Variants in CADPS2 observed in about 807,000 individuals in gnomAD.
CADPS2 encodes the protein calcium-dependent secretion activator 2.
Under a neutral mutation model 172.5 loss-of-function variants are expected in CADPS2, and 93 were observed. That is an observed-to-expected ratio of 0.54 (90% CI 0.46 to 0.64). The LOEUF (loss-of-function observed/expected upper bound fraction) is 0.64, where lower values mean the gene tolerates loss of function less well. Ranked by LOEUF, CADPS2 falls within the 30% of genes least tolerant of loss-of-function variation. CADPS2 has a pLI of 0.00. For missense variants in CADPS2, 1,420 were observed against 1,565.9 expected (o/e 0.91, Z 1.57); for synonymous variants, 546 against 555.2 (o/e 0.98, Z 0.23).
intron 14 of CADPS2, among the ~76,000 whole-genome samples, chr7:122,459,849 C>T (rs1275909600): frequency 1.3e-5 from 2 of 152,014 alleles, no homozygotes; most frequent in Non-Finnish European, 2.9e-5. Flanking sequence ...GGTTTCTGCC[C>T]CAATAGAGTT....
chr7:122,442,480 T>C (rs1376644534), intron 15 of CADPS2, among the ~76,000 whole-genome samples: 3 of 152,136 alleles, frequency 2.0e-5, no homozygotes, highest in African/African-American at 4.8e-5. Flanking sequence ...TGCAAACTAA[T>C]AACTTGGAAA....
At chr7:122,337,400 A>C (rs1397180549) in intron 28 of CADPS2, among the ~76,000 whole-genome samples, 1 of 152,212 alleles carries the variant, frequency 6.6e-6, no homozygotes, top group African/African-American at 2.4e-5. Flanking sequence ...TCAAGAATCT[A>C]AGCAAGAAGC....
intron 1 of CADPS2, among the ~76,000 whole-genome samples, chr7:122,832,627 C>G (rs1457126735): frequency 2.0e-5 from 3 of 152,176 alleles, no homozygotes; most frequent in Non-Finnish European, 4.4e-5. Context: ...GTAATGTTGT[C>G]TGGCTTTACC....
At chr7:122,488,300 C>T (rs2058017799) in intron 11 of CADPS2, among the ~76,000 whole-genome samples, 1 of 152,094 alleles carries the variant, frequency 6.6e-6, no homozygotes, top group Admixed American at 6.6e-5. Context: ...ACTTTGATGC[C>T]CAATGCAGGC....
intron 27 of CADPS2, among the ~76,000 whole-genome samples, chr7:122,360,304 A>G (rs1025934308): frequency 7.2e-5 from 11 of 152,208 alleles, no homozygotes; most frequent in African/African-American, 2.7e-4. Context: ...GAACAAATTT[A>G]TGAGTTATTT....
At chr7:122,772,685 T>A (rs941575655) in intron 1 of CADPS2, among the ~76,000 whole-genome samples, 1 of 152,170 alleles carries the variant, frequency 6.6e-6, no homozygotes, top group Admixed American at 6.5e-5. Flanking sequence ...AACAAATCTT[T>A]ACTGAGATTT....
At chr7:122,854,780 T>C (rs1246417731) in intron 1 of CADPS2, among the ~76,000 whole-genome samples, 1 of 152,200 alleles carries the variant, frequency 6.6e-6, no homozygotes, top group Non-Finnish European at 1.5e-5. Flanking sequence ...ATAAAGGAAA[T>C]GCTGAATCAA....
At chr7:122,572,809 T>G (rs965760398) in intron 7 of CADPS2, among the ~76,000 whole-genome samples, 2 of 152,120 alleles carry the variant, frequency 1.3e-5, no homozygotes, top group African/African-American at 4.8e-5. Context: ...TAGGACATAA[T>G]CATAATTGTT....
At chr7:122,822,964 C>T (rs1563106374) in intron 1 of CADPS2, among the ~76,000 whole-genome samples, 1 of 152,162 alleles carries the variant, frequency 6.6e-6, no homozygotes, top group African/African-American at 2.4e-5. Flanking sequence ...TCACACAAAG[C>T]CTGTTTGGTG....
chr7:122,369,148 T>C (rs2041406517), intron 25 of CADPS2, among the ~76,000 whole-genome samples: 1 of 87,992 alleles, frequency 1.1e-5, no homozygotes, highest in Non-Finnish European at 2.2e-5. Flanking sequence ...CCCCCTTTTT[T>C]TTTTTTTGAG....
chr7:122,445,384 T>C (rs185725900), intron 15 of CADPS2, among the ~76,000 whole-genome samples: 109 of 152,288 alleles, frequency 7.2e-4, no homozygotes, highest in African/African-American at 2.1e-3. Context: ...AGCAATACTT[T>C]ATACTATTCA....
intron 28 of CADPS2, among the ~76,000 whole-genome samples, chr7:122,342,856 T>C (rs1240894251): frequency 6.6e-6 from 1 of 152,202 alleles, no homozygotes; most frequent in East Asian, 1.9e-4. Flanking sequence ...AATGAAATTT[T>C]TCTCTTCAAT....
chr7:122,468,690 A>G (rs1264494352), intron 14 of CADPS2, among the ~76,000 whole-genome samples: 1 of 152,184 alleles, frequency 6.6e-6, no homozygotes, highest in African/African-American at 2.4e-5. Context: ...TTTGTTGAAC[A>G]TGGGTCAGTT....
intron 1 of CADPS2, among the ~76,000 whole-genome samples, chr7:122,807,978 G>A (rs1374847298): frequency 1.3e-5 from 2 of 152,198 alleles, no homozygotes; most frequent in East Asian, 3.9e-4. Context: ...CACTGTAGAT[G>A]TAAAACAAAT....
At position 122,347,798 on chromosome 7, in the gene CADPS2, T is replaced by C. The variant is rs1331384148; in HGVS notation, c.3505-2117A>G. ...TCCAGTGAAGAGGCAGGGTAATTTG[T>C]ACAAAGATTACTACTATTAATACTT... On this transcript the variant is annotated intron_variant, in intron 27 of 29. Coordinates refer to ENST00000449022, the MANE Select transcript of CADPS2 (RefSeq NM_017954.11). Among the ~76,000 whole-genome samples the C allele has an allele frequency of 2.0e-5, 3 of 152,210 alleles. No individual in the cohort carries two copies. The East Asian group carries it at 5.8e-4, about 29-fold the overall frequency.
intron 2 of CADPS2, among the ~76,000 whole-genome samples, chr7:122,712,695 C>G (rs901225664): frequency 5.9e-5 from 9 of 152,028 alleles, no homozygotes; most frequent in Non-Finnish European, 1.3e-4. Flanking sequence ...AACTGGGTAG[C>G]TTATAAGCAG....
At chr7:122,588,704 T>C (rs1372688309) in intron 6 of CADPS2, among the ~76,000 whole-genome samples, 1 of 151,920 alleles carries the variant, frequency 6.6e-6, no homozygotes, top group Non-Finnish European at 1.5e-5. Flanking sequence ...GGACTTTAAC[T>C]AGGTCTAAGG....
intron 2 of CADPS2, chr7:122,698,865 A>T: frequency 6.2e-7 from 1 of 1,610,844 alleles, no homozygotes; most frequent in Admixed American, 1.7e-5. Flanking sequence ...TGAACTTCAT[A>T]AGCCAGGAAG....
chr7:122,868,868 C>T lies in CADPS2; in HGVS notation c.339+17131G>A, dbSNP rs1818986611. ...AAGAGATAGAACATATTAAAAACTA[C>T]TAAACAGAAATCATTGAGCTGAAGA... On this transcript the variant is annotated intron_variant, in intron 1 of 29. Coordinates refer to ENST00000449022, the MANE Select transcript of CADPS2 (RefSeq NM_017954.11). Among the ~76,000 whole-genome samples the T allele has an allele frequency of 5.3e-5, 8 of 152,094 alleles. No individual in the cohort carries two copies. The South Asian group carries it at 1.5e-3, about 28-fold the overall frequency.
Sources: gnomAD v4.1 joint callset for allele counts (sites outside exome capture counted in the v4.1 genomes callset) on GRCh38, gnomAD v4.1.1 for gene constraint, MANE v1.5 for transcripts, NCBI Gene and HGNC (gene_info 2026-07-23, HGNC 2026-07-21) for gene names.